PELI2: variants seen among roughly 807,000 people sequenced by gnomAD.
PELI2 encodes the protein E3 ubiquitin-protein ligase pellino homolog 2.
In PELI2, 23 loss-of-function variants were observed where a neutral mutation model predicts 42.3. The observed-to-expected ratio is 0.54, with a 90% CI of 0.39 to 0.77. The LOEUF is 0.77. Ranked by LOEUF, PELI2 falls within the 30% of genes least tolerant of loss-of-function variation. The pLI, the probability that PELI2 is intolerant of heterozygous loss-of-function variation, is 0.00. For missense variants in PELI2, 463 were observed against 553.2 expected (o/e 0.84, Z 1.64); for synonymous variants, 245 against 212.2 (o/e 1.15, Z -1.34).
intron 2 of PELI2, among the ~76,000 whole-genome samples, chr14:56,192,042 A>G (rs1190529748): frequency 6.6e-6 from 1 of 152,056 alleles, no homozygotes; most frequent in African/African-American, 2.4e-5. Flanking sequence ...TTTAGTAGAG[A>G]CCGGGTTTCG....
intron 2 of PELI2, among the ~76,000 whole-genome samples, chr14:56,181,861 TGTGTGTGTGTG>T (rs1885596349): frequency 3.9e-5 from 6 of 152,172 alleles, no homozygotes; most frequent in Non-Finnish European, 7.3e-5. Flanking sequence ...TGTGTGTGTG[TGTGTGTGTGTG>T]TTTTTAAATT....
intron 2 of PELI2, among the ~76,000 whole-genome samples, chr14:56,271,403 T>C (rs113398443): frequency 2.0e-5 from 3 of 152,198 alleles, no homozygotes; most frequent in African/African-American, 7.2e-5. Context: ...CAATACACCT[T>C]GACATAGAAA....
At position 56,197,840 on chromosome 14, in the gene PELI2, CT is replaced by C. The variant is rs1328816816; in HGVS notation, c.207+19379del. 6.6e-6 allele frequency among the ~76,000 whole-genome samples: 1 copy of C among 151,970 alleles called. No homozygotes were observed. Among genetic ancestry groups the C allele is most frequent in the Non-Finnish European group, 1.5e-5 (1 of 67,992 alleles). On this transcript the variant is annotated intron_variant, in intron 2 of 5. Coordinates refer to ENST00000267460, the MANE Select transcript of PELI2 (RefSeq NM_021255.3). This position sits in a 1 kb window ranked among gnomAD's most constrained non-coding sequence, Gnocchi z 4.9. ...TCAGACTTGAACTGCAGTCTTGGTTCTTTCTGGGGTCTCCGGCCTGCCTGTG... is the reference window on the plus strand; with the variant it reads ...TCAGACTTGAACTGCAGTCTTGGTTCTTCTGGGGTCTCCGGCCTGCCTGTG...
chr14:56,161,930 C>T (rs1217914107), intron 1 of PELI2, among the ~76,000 whole-genome samples: 2 of 152,062 alleles, frequency 1.3e-5, no homozygotes, highest in Non-Finnish European at 2.9e-5. Context: ...GAAATCAAAC[C>T]TACGTACTTT....
chr14:56,158,122 G>A (rs1884631447), intron 1 of PELI2, among the ~76,000 whole-genome samples: 1 of 152,082 alleles, frequency 6.6e-6, no homozygotes, highest in South Asian at 2.1e-4. Context: ...CCACCTCCCA[G>A]GTTCAAGTGA....
rs1011330623 is a variant in PELI2 at position 56,248,517 on chromosome 14, G to A, written c.208-31159G>A. Among the ~76,000 whole-genome samples, 6 of 152,130 alleles carry A rather than the reference G, an allele frequency of 3.9e-5. No individual in the cohort carries two copies. The East Asian group carries it at 1.2e-3, about 29-fold the overall frequency. On this transcript the variant is annotated intron_variant, in intron 2 of 5. Coordinates refer to ENST00000267460, the MANE Select transcript of PELI2 (RefSeq NM_021255.3). ...TTCTGCTGAGGGTGACTGTGAGAAG[G>A]AGCCTCCAGGCTGGCAGGGAGCCTT...
chr14:56,191,457 C>T (rs1257499967), intron 2 of PELI2, among the ~76,000 whole-genome samples: 1 of 152,212 alleles, frequency 6.6e-6, no homozygotes, highest in Non-Finnish European at 1.5e-5. Flanking sequence ...CAATGAACCA[C>T]ACAGTGATAC....
chr14:56,192,673 A>G (rs1885993527), intron 2 of PELI2, among the ~76,000 whole-genome samples: 1 of 152,192 alleles, frequency 6.6e-6, no homozygotes, highest in Non-Finnish European at 1.5e-5. Context: ...TTCTTTGGCC[A>G]AGTGACAACC....
chr14:56,250,249 G>T (rs1947095851), intron 2 of PELI2, among the ~76,000 whole-genome samples: 1 of 152,202 alleles, frequency 6.6e-6, no homozygotes, highest in Non-Finnish European at 1.5e-5. Flanking sequence ...GTTGATGGGG[G>T]TGAGATTTCA....
chr14:56,179,659 C>T (rs555893148), intron 2 of PELI2, among the ~76,000 whole-genome samples: 2 of 152,140 alleles, frequency 1.3e-5, no homozygotes, highest in East Asian at 1.9e-4. Context: ...TCCAACTTTA[C>T]GAAGATTCTG....
intron 2 of PELI2, among the ~76,000 whole-genome samples, chr14:56,238,012 T>C (rs4901662): frequency 0.4 from 61,290 of 151,970 alleles, 13,073 homozygotes; most frequent in South Asian, 0.53. Context: ...TATATGATTC[T>C]TTTTTAATGG....
Position 56,297,592 on chromosome 14 carries a change from G to A in PELI2, c.*426G>A, listed in dbSNP as rs200258250. ...GTGGTGTAGGTGTTACGCGAAGGGC[G>A]CACAGTGTCTAGAAATACTTGATCG... On this transcript the variant is annotated 3_prime_UTR_variant, in exon 6 of 6. Coordinates refer to ENST00000267460, the MANE Select transcript of PELI2 (RefSeq NM_021255.3). 28 of 177,218 alleles carry A rather than the reference G, an allele frequency of 1.6e-4. No homozygotes were observed. The highest frequency in any genetic ancestry group is 3.0e-4 in the Non-Finnish European group (25 of 82,530). 11.0% of individuals were successfully genotyped at this position (177,218 alleles called of 1,614,324 possible). A position where few individuals can be genotyped will look rare whatever the true frequency, so the allele number is the denominator to read the frequency against.
chr14:56,274,704 A>G (rs1889228333), intron 2 of PELI2, among the ~76,000 whole-genome samples: 1 of 152,196 alleles, frequency 6.6e-6, no homozygotes, highest in South Asian at 2.1e-4. Flanking sequence ...TCATCCCTGA[A>G]TGGCAAAGGC....
chr14:56,225,180 G>C (rs999111226), intron 2 of PELI2, among the ~76,000 whole-genome samples: 4 of 152,108 alleles, frequency 2.6e-5, no homozygotes, highest in African/African-American at 9.7e-5. Flanking sequence ...GGAAACGATG[G>C]GGCCCGTCCA....
chr14:56,138,041 T>C (rs1265741305), intron 1 of PELI2, among the ~76,000 whole-genome samples: 1 of 152,196 alleles, frequency 6.6e-6, no homozygotes, highest in African/African-American at 2.4e-5. Flanking sequence ...GGGTGCTTTG[T>C]GTGCTCGATA....
At position 56,178,335 on chromosome 14, in the gene PELI2, G is replaced by A. The variant is rs371375331; in HGVS notation, c.78G>A (p.Gly26=). 111 of 1,613,772 alleles carry A rather than the reference G, an allele frequency of 6.9e-5. No individual in the cohort carries two copies. Among genetic ancestry groups the A allele is most frequent in the Non-Finnish European group, 8.7e-5 (103 of 1,179,904 alleles). The change falls in exon 2 of 6, where the codon GGG becomes GGA. Residue 26 remains glycine, a splice_region_variant and synonymous_variant. Coordinates refer to ENST00000267460, the MANE Select transcript of PELI2 (RefSeq NM_021255.3). ...PVKYGELVVL[G]YNGALPNGDR... ...TGAACTCTTTCCTCTCTGTTTCTAG[G>A]TACAATGGTGCTTTACCCAATGGAG...
intron 1 of PELI2, among the ~76,000 whole-genome samples, chr14:56,153,021 T>G (rs1471615148): frequency 6.6e-6 from 1 of 152,204 alleles, no homozygotes; most frequent in East Asian, 1.9e-4. Context: ...TAGAGCACTA[T>G]TCCAGAAATG....
intron 2 of PELI2, among the ~76,000 whole-genome samples, chr14:56,215,535 CAAGACTAA>C (rs377552355): frequency 6.6e-6 from 1 of 152,008 alleles, no homozygotes; most frequent in African/African-American, 2.4e-5. Context: ...GTTCATGAAC[CAAGACTAA>C]AAGACATGAT....
At chr14:56,277,443 C>G (rs1307169500) in intron 2 of PELI2, among the ~76,000 whole-genome samples, 3 of 151,866 alleles carry the variant, frequency 2.0e-5, no homozygotes, top group African/African-American at 4.8e-5. Flanking sequence ...CATCTAGTTG[C>G]AGGAAAACAA....
Sources: gnomAD v4.1 joint callset for allele counts (sites outside exome capture counted in the v4.1 genomes callset) on GRCh38, gnomAD v4.1.1 for gene constraint, Gnocchi (gnomAD v3.1) non-coding constraint, MANE v1.5 for transcripts, NCBI Gene and HGNC (gene_info 2026-07-23, HGNC 2026-07-21) for gene names.